The following ACOT7 variants were observed in gnomAD, a reference collection of about 807,000 sequenced individuals.
ACOT7 encodes the protein acyl-CoA thioesterase 7, also known as cytosolic acyl coenzyme A thioester hydrolase.
Under a neutral mutation model 40.2 loss-of-function variants are expected in ACOT7, and 12 were observed. The observed-to-expected ratio is 0.30, with a 90% CI of 0.19 to 0.48. The LOEUF (loss-of-function observed/expected upper bound fraction) is 0.48. Ranked by LOEUF, ACOT7 falls within the 20% of genes least tolerant of loss-of-function variation. ACOT7 has a pLI of 0.99. For missense variants in ACOT7, 395 were observed against 530.8 expected, an observed-to-expected ratio of 0.74 and a Z score of 2.51; for synonymous variants, 228 against 219.5, an observed-to-expected ratio of 1.04 and a Z score of -0.34.
chr1:6,278,477 A>C lies in ACOT7; in HGVS notation c.1014+2625T>G, dbSNP rs1418581627. Among the ~76,000 whole-genome samples the C allele has an allele frequency of 6.6e-6, 1 of 152,054 alleles. No homozygotes were observed. The highest frequency in any genetic ancestry group is 1.5e-5 in the Non-Finnish European group (1 of 67,998). On this transcript the variant is annotated intron_variant, in intron 8 of 8. Coordinates refer to ENST00000361521, the MANE Select transcript of ACOT7 (RefSeq NM_007274.4). This position sits in a 1 kb window ranked among gnomAD's most constrained non-coding sequence, Gnocchi z 4.1. ...GGAGCGGCACTGGGTGGGCGTGGGC[A>C]TGGGGGGAGTAGGGAGGAGCCAGCT... is the stretch of plus-strand genomic sequence containing the variant.
intron 1 of ACOT7, among the ~76,000 whole-genome samples, chr1:6,392,508 T>C (rs1642548327): frequency 6.6e-6 from 1 of 152,168 alleles, no homozygotes; most frequent in South Asian, 2.1e-4. Context: ...CAGCTTCCTC[T>C]GGGGGCCTGC....
intron 8 of ACOT7, among the ~76,000 whole-genome samples, chr1:6,266,315 C>T (rs866190273): frequency 2.0e-5 from 3 of 152,208 alleles, no homozygotes; most frequent in South Asian, 2.1e-4. Flanking sequence ...GGGCACAGAG[C>T]GCAGCCCCTG....
chr1:6,313,571 C>A (rs963739193), intron 6 of ACOT7, among the ~76,000 whole-genome samples: 1 of 152,228 alleles, frequency 6.6e-6, no homozygotes, highest in Non-Finnish European at 1.5e-5. Flanking sequence ...GTCTGACCAG[C>A]GGCACTCACC....
Position 6,308,095 on chromosome 1 carries a change from AC to A in ACOT7, c.712+10396del, listed in dbSNP as rs1246328147. Among the ~76,000 whole-genome samples, 28 of 151,338 alleles carry A rather than the reference AC, an allele frequency of 1.9e-4. No homozygotes were observed. The East Asian group carries it at 5.3e-3, about 29-fold the overall frequency. ...GGAACAGTGACCAAAGGGAACTACA[AC>A]CAGGCAGAGGGAACCACAACAGGCA... On this transcript the variant is annotated intron_variant, in intron 6 of 8. Coordinates refer to ENST00000361521, the MANE Select transcript of ACOT7 (RefSeq NM_007274.4).
intron 4 of ACOT7, among the ~76,000 whole-genome samples, chr1:6,331,897 G>A (rs1013758775): frequency 7.2e-5 from 11 of 152,170 alleles, no homozygotes; most frequent in South Asian, 4.1e-4. Context: ...CAGAAGAGAC[G>A]GCAGGAAGCA....
At chr1:6,354,299 C>T (rs902414689) in intron 1 of ACOT7, among the ~76,000 whole-genome samples, 16 of 152,196 alleles carry the variant, frequency 1.1e-4, no homozygotes, top group Non-Finnish European at 1.8e-4. Context: ...GAGGAAGTGA[C>T]ACCTTGGCCA....
At chr1:6,368,801 C>CCCACTGCTG (rs954908210) in intron 1 of ACOT7, among the ~76,000 whole-genome samples, 1 of 152,148 alleles carries the variant, frequency 6.6e-6, no homozygotes, top group African/African-American at 2.4e-5. Context: ...GCACAGGGGA[C>CCCACTGCTG]CCACTGCTGC....
intron 1 of ACOT7, among the ~76,000 whole-genome samples, chr1:6,390,439 G>T (rs193236736): frequency 1.3e-3 from 198 of 151,516 alleles, no homozygotes; most frequent in Non-Finnish European, 2.3e-3. Context: ...GGGCACGGTG[G>T]TGCACGCCTG....
intron 2 of ACOT7, among the ~76,000 whole-genome samples, chr1:6,348,620 T>G (rs1241084883): frequency 6.6e-6 from 1 of 152,188 alleles, no homozygotes; most frequent in Non-Finnish European, 1.5e-5. Context: ...GGAAGTGATG[T>G]GACATCTATG....
chr1:6,337,191 T>A (rs1268745712), intron 3 of ACOT7, among the ~76,000 whole-genome samples: 2 of 152,180 alleles, frequency 1.3e-5, no homozygotes, highest in African/African-American at 4.8e-5. Flanking sequence ...AGCCCATCCT[T>A]CGGAGGAGGA....
rs749887902 is a variant in ACOT7 at position 6,281,304 on chromosome 1, C to T, written c.830-18G>A. 9.4e-5 allele frequency: 149 copies of T among 1,590,212 alleles called. No individual in the cohort carries two copies. Among genetic ancestry groups the T allele is most frequent in the Middle Eastern group, 8.8e-4 (5 of 5,652 alleles). On this transcript the variant is annotated intron_variant, in intron 7 of 8. Coordinates refer to ENST00000361521, the MANE Select transcript of ACOT7 (RefSeq NM_007274.4). Reference sequence around the variant, plus strand: ...GACGCAGCCTGTGGAGAAGGGAGGGCGGGGGTCAGGGCGGCCTCCACCCCA... The same window carrying T: ...GACGCAGCCTGTGGAGAAGGGAGGGTGGGGGTCAGGGCGGCCTCCACCCCA...
At chr1:6,312,666 C>T (rs1487045102) in intron 6 of ACOT7, among the ~76,000 whole-genome samples, 1 of 152,112 alleles carries the variant, frequency 6.6e-6, no homozygotes, top group Non-Finnish European at 1.5e-5. Context: ...CAGGGTTTTA[C>T]CATGTTGGCC....
At chr1:6,381,707 C>T (rs969501939) in intron 1 of ACOT7, among the ~76,000 whole-genome samples, 7 of 151,422 alleles carry the variant, frequency 4.6e-5, no homozygotes, top group East Asian at 3.9e-4. Context: ...GAACTAAAAA[C>T]GGGGTCTCTG....
intron 6 of ACOT7, among the ~76,000 whole-genome samples, chr1:6,297,971 T>C (rs1202408724): frequency 6.6e-6 from 1 of 152,138 alleles, no homozygotes; most frequent in Non-Finnish European, 1.5e-5. Context: ...ATGTTTTTAT[T>C]ACCATGACTT....
intron 8 of ACOT7, among the ~76,000 whole-genome samples, chr1:6,268,734 C>T (rs1247164378): frequency 6.6e-6 from 1 of 152,268 alleles, no homozygotes; most frequent in East Asian, 1.9e-4. Context: ...TCCAGGGCTT[C>T]ATACAGCCCG....
intron 5 of ACOT7, among the ~76,000 whole-genome samples, chr1:6,320,954 T>C (rs1277020577): frequency 6.6e-6 from 1 of 152,174 alleles, no homozygotes; most frequent in Non-Finnish European, 1.5e-5. Flanking sequence ...GCACCCTTTA[T>C]ACAGCAGCGG....
chr1:6,373,404 C>G (rs1161871744), intron 1 of ACOT7, among the ~76,000 whole-genome samples: 1 of 152,118 alleles, frequency 6.6e-6, no homozygotes, highest in African/African-American at 2.4e-5. Context: ...CACATGCCAC[C>G]ACACCCAGCT....
chr1:6,271,028 C>G (rs1402003281), intron 8 of ACOT7, among the ~76,000 whole-genome samples: 1 of 152,218 alleles, frequency 6.6e-6, no homozygotes, highest in Admixed American at 6.5e-5. Flanking sequence ...AAGCCCCTGG[C>G]TCCCCTGCAG....
At chr1:6,300,153 C>T (rs1394216613) in intron 6 of ACOT7, among the ~76,000 whole-genome samples, 3 of 152,084 alleles carry the variant, frequency 2.0e-5, no homozygotes, top group Non-Finnish European at 1.5e-5. Context: ...GGGGGAGATA[C>T]GTCGCCATCC....
Sources: allele counts gnomAD v4.1 joint callset (sites outside exome capture counted in the v4.1 genomes callset), GRCh38; gene constraint gnomAD v4.1.1; non-coding constraint Gnocchi (gnomAD v3.1); transcripts MANE v1.5; gene names NCBI Gene and HGNC (gene_info 2026-07-23, HGNC 2026-07-21).